The following TUSC3 variants were observed in gnomAD, a reference collection of about 807,000 sequenced individuals.
The protein encoded by TUSC3 is dolichyl-diphosphooligosaccharide--protein glycosyltransferase subunit TUSC3.
TUSC3 carries 45 observed loss-of-function variants against 44.8 expected under a neutral mutation model. That is an observed-to-expected ratio of 1.00 (90% CI 0.79 to 1.29). TUSC3 has a LOEUF of 1.29. Among genes scored for constraint, TUSC3 ranks in the 50% most tolerant of loss-of-function variants. TUSC3 has a pLI of 0.00. For missense variants in TUSC3, 519 were observed against 437.9 expected (o/e 1.19, Z -1.65); for synonymous variants, 212 against 152.9 (o/e 1.39, Z -2.85).
In TUSC3 at chr8:15,650,827, A is replaced by T. The variant is rs757683053; in HGVS notation, c.426+13A>T. On this transcript the variant is annotated intron_variant, in intron 3 of 10. Transcript: ENST00000503731. ...CGTTTTTCAGCAGGTAAAGAGTTAT[A>T]TCGTATTCATATATTTAACATAGTT... The T allele has an allele frequency of 1.2e-6, 2 of 1,601,776 alleles. No individual in the cohort carries two copies. The highest frequency in any genetic ancestry group is 2.2e-5 in the East Asian group (1 of 44,804).
chr8:15,656,408 T>C (rs1050145487), intron 3 of TUSC3, among the ~76,000 whole-genome samples: 2 of 152,108 alleles, frequency 1.3e-5, no homozygotes, highest in African/African-American at 4.8e-5. Context: ...GAATAGACAT[T>C]CCCTTCCAAA....
At chr8:15,524,724 C>G (rs1045761627) in intron 2 of TUSC3, among the ~76,000 whole-genome samples, 4 of 152,176 alleles carry the variant, frequency 2.6e-5, no homozygotes, top group African/African-American at 7.2e-5. Flanking sequence ...AGTTCATGCT[C>G]TGGTAAAACT....
At chr8:15,562,149 A>G (rs1460226232) in intron 1 of TUSC3, among the ~76,000 whole-genome samples, 6 of 152,092 alleles carry the variant, frequency 3.9e-5, no homozygotes, top group Admixed American at 3.9e-4. Context: ...ACTTCCCGGC[A>G]TTTTCTTATA....
chr8:15,508,525 C>G (rs1049024030), intron 2 of TUSC3, among the ~76,000 whole-genome samples: 4 of 136,974 alleles, frequency 2.9e-5, no homozygotes, highest in Non-Finnish European at 4.6e-5. Context: ...GCAGTGGCGC[C>G]ATCTCGGCTC....
intron 2 of TUSC3, among the ~76,000 whole-genome samples, chr8:15,635,175 T>A (rs1806010919): frequency 6.6e-6 from 1 of 152,162 alleles, no homozygotes; most frequent in East Asian, 1.9e-4. Context: ...CAGGACAGAA[T>A]CTTAAATTTT....
chr8:15,466,751 C>G (rs975605965), intron 1 of TUSC3, among the ~76,000 whole-genome samples: 5 of 152,052 alleles, frequency 3.3e-5, no homozygotes, highest in African/African-American at 1.2e-4. Flanking sequence ...TTTTAAAAAT[C>G]AAGTCATCTT....
chr8:15,818,348 T>C, the TUSC3 span, among the ~76,000 whole-genome samples: 2,388 of 152,288 alleles, frequency 0.016, 56 homozygotes, highest in East Asian at 0.13. Flanking sequence ...CTTTTCAGCT[T>C]TTTCCTTAGA....
chr8:15,772,109 G>T, the TUSC3 span, among the ~76,000 whole-genome samples: 1 of 150,392 alleles, frequency 6.6e-6, no homozygotes, highest in Non-Finnish European at 1.5e-5. Flanking sequence ...AAAAGAAAAA[G>T]AAAGATCTTG....
the TUSC3 span, among the ~76,000 whole-genome samples, chr8:15,850,745 A>G: frequency 2.0e-5 from 3 of 152,240 alleles, no homozygotes; most frequent in Non-Finnish European, 4.4e-5. Context: ...CATAAAAAGA[A>G]TTTTAAACAA....
At chr8:15,836,224 C>A in the TUSC3 span, among the ~76,000 whole-genome samples, 2 of 151,660 alleles carry the variant, frequency 1.3e-5, no homozygotes, top group African/African-American at 4.8e-5. Flanking sequence ...GCCTGTAATC[C>A]CAGCACTTTG....
chr8:15,584,023 A>T lies in TUSC3; in HGVS notation c.139-39057A>T, dbSNP rs1327497507. ...TGCAGGGGCAGTATTTTGTGAGAAT[A>T]TGTTGTTTAAACAGGTACTTAAAGG... On this transcript the variant is annotated intron_variant, in intron 1 of 10. Coordinates refer to ENST00000503731, the MANE Select transcript of TUSC3 (RefSeq NM_006765.4). 2.6e-5 allele frequency among the ~76,000 whole-genome samples: 4 copies of T among 152,236 alleles called. 1 individual carries two copies. The highest frequency in any genetic ancestry group is 9.6e-5 in the African/African-American group (4 of 41,464).
chr8:15,728,858 A>G (rs1810602032), intron 6 of TUSC3, among the ~76,000 whole-genome samples: 1 of 152,118 alleles, frequency 6.6e-6, no homozygotes, highest in African/African-American at 2.4e-5. Flanking sequence ...GGAGGAGCCA[A>G]TGAGGTAGAC....
At chr8:15,539,982 A>G (rs1451829189), upstream of TUSC3, among the ~76,000 whole-genome samples, 1 of 152,126 alleles carries the variant, frequency 6.6e-6, no homozygotes, top group Admixed American at 6.6e-5. Context: ...TCATTCCCCA[A>G]AGCTTCCCCT....
intron 1 of TUSC3, among the ~76,000 whole-genome samples, chr8:15,420,805 G>A (rs573363905): frequency 1.3e-4 from 20 of 152,040 alleles, no homozygotes; most frequent in East Asian, 2.0e-4. Context: ...CTCACCCCAC[G>A]CTCCTTTGTC....
intron 1 of TUSC3, among the ~76,000 whole-genome samples, chr8:15,454,173 A>G (rs1195936826): frequency 6.6e-6 from 1 of 152,192 alleles, no homozygotes; most frequent in Non-Finnish European, 1.5e-5. Flanking sequence ...CGGAAGCATG[A>G]CAGCATATAA....
chr8:15,543,629 G>A (rs764854781), intron 1 of TUSC3, among the ~76,000 whole-genome samples: 4 of 151,880 alleles, frequency 2.6e-5, no homozygotes, highest in Non-Finnish European at 5.9e-5. Flanking sequence ...AGTGCAATGC[G>A]TAGGATATAA....
intron 2 of TUSC3, among the ~76,000 whole-genome samples, chr8:15,642,620 C>T (rs556101123): frequency 4.6e-5 from 7 of 152,240 alleles, no homozygotes; most frequent in African/African-American, 1.7e-4. Flanking sequence ...AATAGACTTA[C>T]TGGGAAATCC....
intron 1 of TUSC3, among the ~76,000 whole-genome samples, chr8:15,595,476 A>G (rs1467968379): frequency 2.6e-5 from 4 of 152,160 alleles, no homozygotes; most frequent in Non-Finnish European, 4.4e-5. Context: ...TGGAACAGAC[A>G]TAGGGCTCAC....
At chr8:15,495,688 A>G (rs1800871689) in intron 2 of TUSC3, among the ~76,000 whole-genome samples, 1 of 152,102 alleles carries the variant, frequency 6.6e-6, no homozygotes, top group Non-Finnish European at 1.5e-5. Context: ...ACCTGCCATG[A>G]TCTTGCTGGG....
Sources: gnomAD v4.1 joint callset for allele counts (sites outside exome capture counted in the v4.1 genomes callset) on GRCh38, gnomAD v4.1.1 for gene constraint, MANE v1.5 for transcripts, NCBI Gene and HGNC (gene_info 2026-07-23, HGNC 2026-07-21) for gene names.